Variants in SLC5A2 observed in about 807,000 individuals in gnomAD.
SLC5A2 encodes solute carrier family 5 member 2, also known as sodium/glucose cotransporter 2.
A neutral mutation model predicts 69.0 loss-of-function variants in SLC5A2; 67 were observed. The ratio of observed to expected loss-of-function variants is 0.97; its 90% CI spans 0.80 to 1.19. SLC5A2 has a LOEUF of 1.19. Among genes scored for constraint, SLC5A2 ranks in the 50% most tolerant of loss-of-function variants. The pLI, the probability that SLC5A2 is intolerant of heterozygous loss-of-function variation, is 0.00. For synonymous variants in SLC5A2, 455 were observed against 395.8 expected (o/e 1.15, Z -1.78); for missense variants, 1,001 against 921.5 (o/e 1.09, Z -1.12).
rs1348239815 is a variant in SLC5A2, at chr16:31,488,888, T to C, written c.1289T>C (p.Val430Ala). ...GACGGCCTCCGCCGCAGGCTCTGGG[T>C]GGTGTTCATCGTGGTAGTGTCGGTG... Reference protein sequence around the residue: ...RELLLVGRLWVVFIVVVSVAW... With the variant: ...RELLLVGRLWAVFIVVVSVAW... The change falls in exon 11 of 14, where the codon GTG (valine) becomes GCG (alanine). Residue 430 changes from valine (V) to alanine (A), a missense_variant. Physicochemically the swap from Val to Ala is moderately conservative, Grantham distance 64. Transcript: ENST00000330498. The C allele has an allele frequency of 1.9e-6, 3 of 1,605,222 alleles. No individual in the cohort carries two copies. Among genetic ancestry groups the C allele is most frequent in the Non-Finnish European group, 1.7e-6 (2 of 1,179,830 alleles).
At position 31,484,328 on chromosome 16, in the gene SLC5A2, T is replaced by A. The variant is rs1029035376; in HGVS notation, c.127-345T>A. Reference sequence around the variant, plus strand: ...CCCAGCTACTTTGGAGGCTGAGGCATGAGAATTGCTTGAACCTGGGAGGTG... The same window carrying A: ...CCCAGCTACTTTGGAGGCTGAGGCAAGAGAATTGCTTGAACCTGGGAGGTG... On this transcript the variant is annotated intron_variant, in intron 1 of 13. Transcript: ENST00000330498. Among the ~76,000 whole-genome samples, 24 of 148,676 alleles carry A rather than the reference T, an allele frequency of 1.6e-4. No individual in the cohort carries two copies. The Admixed American group carries it at 1.6e-3, about 10-fold the overall frequency.
rs1869029033 is a variant in SLC5A2, at chr16:31,490,732, G to A, written c.*197G>A. On this transcript the variant is annotated 3_prime_UTR_variant, in exon 14 of 14. Transcript: ENST00000330498. ...ATGAGGGCCTGGCCCACCCGCTGCAGTTGCCCTAAGGAAAAATAAAGCTGC... is the reference window on the plus strand; with the variant it reads ...ATGAGGGCCTGGCCCACCCGCTGCAATTGCCCTAAGGAAAAATAAAGCTGC... 1 of 1,361,264 alleles carries A rather than the reference G, an allele frequency of 7.3e-7. No homozygotes were observed. The highest frequency in any genetic ancestry group is 1.0e-6 in the Non-Finnish European group (1 of 958,344). The allele number at this position is 1,361,264 out of a possible 1,614,324, so 84.3% of individuals were successfully genotyped here.
chr16:31,483,357 G>GATCTTTGA, intron 1 of SLC5A2, 95 bp downstream of exon 1: 1 of 1,520,858 alleles, frequency 6.6e-7, no homozygotes, highest in Non-Finnish European at 9.1e-7. Context: ...ATGATGCTTG[G>GATCTTTGA]ATCTTTGAAG....
At chr16:31,490,011 G>C (rs1288843134) in intron 12 of SLC5A2, 93 bp from the exon 13 acceptor site, 1 of 1,542,764 alleles carries the variant, frequency 6.5e-7, no homozygotes, top group African/African-American at 1.4e-5. Context: ...GAGGTGGGTA[G>C]GGCAGGCAGT....
chr16:31,487,993 C>A, intron 7 of SLC5A2, 45 bp from the exon 8 acceptor site: 1 of 1,605,720 alleles, frequency 6.2e-7, no homozygotes, highest in Non-Finnish European at 8.5e-7. Flanking sequence ...CGGGGCGGGG[C>A]CGAGGGGAGG....
intron 7 of SLC5A2, 51 bp downstream of exon 7, chr16:31,487,810 G>A (rs1361081212): frequency 6.5e-7 from 1 of 1,535,334 alleles, no homozygotes; most frequent in Non-Finnish European, 8.8e-7. Context: ...AGCCGAGACG[G>A]GCGGAGCCTG....
In SLC5A2 at chr16:31,489,173, G is replaced by T; in HGVS notation, c.1500G>T (p.Leu500=). Residue 500 remains leucine, a synonymous_variant, in exon 12 of 14, where the codon CTG becomes CTT. Transcript: ENST00000330498. The stretch of plus-strand genomic sequence containing the variant: ...GCCTGCTGATGGGCCTGGCACGCCT[G>T]ATTCCCGAGTTCTCCTTCGGCTCGG... ...IGGLLMGLAR[L]IPEFSFGSGS... The T allele has an allele frequency of 6.2e-7, 1 of 1,610,318 alleles. No homozygotes were observed. Among genetic ancestry groups the T allele is most frequent in the Non-Finnish European group, 8.5e-7 (1 of 1,180,004 alleles).
At position 31,490,467 on chromosome 16, in the gene SLC5A2, C is replaced by T. The variant is rs148924550; in HGVS notation, c.1951C>T (p.Arg651Cys). ...EDISEDPSWA[R>C]VVNLNALLMM... The stretch of plus-strand genomic sequence containing the variant: ...CATCAGCGAGGACCCGAGCTGGGCC[C>T]GTGTGGTCAACCTCAATGCCCTGCT... The change falls in exon 14 of 14, where the codon CGT becomes TGT. Residue 651 changes from arginine to cysteine, a missense_variant. By Grantham distance (180) the Arg-to-Cys change is radical (BLOSUM62 -3). Coordinates refer to ENST00000330498, the MANE Select transcript of SLC5A2 (RefSeq NM_003041.4). The T allele has an allele frequency of 4.3e-6, 7 of 1,613,970 alleles. No individual in the cohort carries two copies. In the East Asian group the frequency reaches 6.7e-5, roughly 15 times the overall value.
chr16:31,485,674 A>C, intron 3 of SLC5A2, 55 bp from the exon 4 acceptor site: 1 of 1,602,308 alleles, frequency 6.2e-7, no homozygotes, highest in Non-Finnish European at 8.5e-7. Context: ...CGAAGAGGTC[A>C]GATCCTCAGG....
Position 31,484,350 on chromosome 16 carries a change from G to C in SLC5A2, c.127-323G>C, listed in dbSNP as rs11646054. 0.33 allele frequency among the ~76,000 whole-genome samples: 50,540 copies of C among 151,188 alleles called. 10,299 individuals carry two copies. The highest frequency in any genetic ancestry group is 0.53 in the Middle Eastern group (156 of 294). ...GCATGAGAATTGCTTGAACCTGGGA[G>C]GTGGAGGTTGTAGTGAGCCAAAATC... On this transcript the variant is annotated intron_variant, in intron 1 of 13. Coordinates refer to ENST00000330498, the MANE Select transcript of SLC5A2 (RefSeq NM_003041.4).
chr16:31,484,532 T>TC, intron 1 of SLC5A2, 141 bp from the exon 2 acceptor site: 1 of 862,148 alleles, frequency 1.2e-6, no homozygotes, highest in Non-Finnish European at 1.9e-6. Flanking sequence ...CTGGGAGGAG[T>TC]TGGGGGTGGG....
In SLC5A2 at chr16:31,489,275, C is replaced by G. The variant is rs776716879; in HGVS notation, c.1602C>G (p.Phe534Leu). 13 of 1,610,812 alleles carry G rather than the reference C, an allele frequency of 8.1e-6. No individual in the cohort carries two copies. The highest frequency in any genetic ancestry group is 2.7e-5 in the African/African-American group (2 of 74,916). Residue 534 changes from phenylalanine to leucine, a missense_variant, in exon 12 of 14, where the codon TTC becomes TTG. Coordinates refer to ENST00000330498, the MANE Select transcript of SLC5A2 (RefSeq NM_003041.4). The part of the protein sequence containing the change: ...VHYLYFAIVL[F>L]FCSGLLTLTV... ...ACCTCTACTTCGCCATTGTGCTGTT[C>G]TTCTGCTCTGGCCTCCTCACCCTCA...
intron 1 of SLC5A2, among the ~76,000 whole-genome samples, chr16:31,484,260 A>C (rs376767310): frequency 6.9e-6 from 1 of 144,130 alleles, no homozygotes; most frequent in Non-Finnish European, 1.5e-5. Flanking sequence ...ACACACACGC[A>C]CACACACACA....
At chr16:31,487,504 G>A in intron 6 of SLC5A2, 26 bp from the exon 7 acceptor site, 1 of 1,612,722 alleles carries the variant, frequency 6.2e-7, no homozygotes, top group Non-Finnish European at 8.5e-7. Flanking sequence ...TCCTAAGGAG[G>A]GTCCCCTGAC....
rs1043108392 is a variant in SLC5A2, at chr16:31,486,645, C to T, written c.574+370C>T. 6.6e-5 allele frequency among the ~76,000 whole-genome samples: 10 copies of T among 152,162 alleles called. No homozygotes were observed. The East Asian group carries it at 1.9e-3, about 29-fold the overall frequency. ...GGTGGGGCCTGAGGTCAGATGCGGA[C>T]CAGAGTAGGCAGGGCTTGGTGCCAA... On this transcript the variant is annotated intron_variant, in intron 5 of 13. Transcript: ENST00000330498.
chr16:31,487,347 A>G lies in SLC5A2; in HGVS notation c.602A>G (p.Asp201Gly). The part of the protein sequence containing the change: ...TGGLAALMYT[D>G]TVQTFVILGG... ...GGGCTGGCCGCGCTGATGTACACGGACACGGTACAGACCTTCGTCATTCTG... is the reference window on the plus strand; with the variant it reads ...GGGCTGGCCGCGCTGATGTACACGGGCACGGTACAGACCTTCGTCATTCTG... Residue 201 changes from aspartate (D) to glycine (G), a missense_variant, in exon 6 of 14, where the codon GAC becomes GGC. Transcript: ENST00000330498. 2 of 1,613,792 alleles carry G rather than the reference A, an allele frequency of 1.2e-6. No individual in the cohort carries two copies. The highest frequency in any genetic ancestry group is 2.2e-5 in the South Asian group (2 of 91,056).
chr16:31,488,087 C>T lies in SLC5A2; in HGVS notation c.935C>T (p.Ala312Val), dbSNP rs757832553. Reference protein sequence around the residue: ...LAGKSLTHIKAGCILCGYLKL... With the variant: ...LAGKSLTHIKVGCILCGYLKL... ...GGGAAGAGCCTGACCCACATCAAGG[C>T]GGGCTGCATCCTGTGTGGGTACCTG... Residue 312 changes from alanine (A) to valine (V), a missense_variant, in exon 8 of 14, where the codon GCG (alanine) becomes GTG (valine). By Grantham distance (64) the Ala-to-Val change is moderately conservative. Transcript: ENST00000330498. The T allele has an allele frequency of 2.7e-5, 44 of 1,613,894 alleles. No individual in the cohort carries two copies. Among genetic ancestry groups the T allele is most frequent in the Non-Finnish European group, 3.6e-5 (43 of 1,179,972 alleles).
At chr16:31,484,032 T>C (rs2082475337) in intron 1 of SLC5A2, among the ~76,000 whole-genome samples, 1 of 152,090 alleles carries the variant, frequency 6.6e-6, no homozygotes, top group Admixed American at 6.5e-5. Context: ...AAGGCTGCAG[T>C]GAGCTATGAT....
Position 31,485,753 on chromosome 16 carries a change from G to A in SLC5A2, c.328G>A (p.Gly110Ser). The change falls in exon 4 of 14, where the codon GGC becomes AGC. Residue 110 changes from glycine (G) to serine (S), a missense_variant. By Grantham distance (56) the Gly-to-Ser change is moderately conservative. Transcript: ENST00000330498. ...GGCGCTCTTCGTGGTGCTGCTACTG[G>A]GCTGGCTGTTTGCACCCGTGTACCT... is the stretch of plus-strand genomic sequence containing the variant. ...WNALFVVLLL[G>S]WLFAPVYLTA... The A allele has an allele frequency of 6.2e-7, 1 of 1,613,744 alleles. No homozygotes were observed. Among genetic ancestry groups the A allele is most frequent in the South Asian group, 1.1e-5 (1 of 91,088 alleles).
Sources: allele counts gnomAD v4.1 joint callset (sites outside exome capture counted in the v4.1 genomes callset), GRCh38; gene constraint gnomAD v4.1.1; transcripts MANE v1.5; gene names NCBI Gene and HGNC (gene_info 2026-07-23, HGNC 2026-07-21).